Variants in UBE2D2 observed in about 807,000 individuals in gnomAD.
The protein encoded by UBE2D2 is ubiquitin conjugating enzyme E2 D2, also known as ubiquitin-conjugating enzyme E2 D2.
In UBE2D2, 2 loss-of-function variants were observed where a neutral mutation model predicts 24.2. That is an observed-to-expected ratio of 0.08 (90% CI 0.03 to 0.26). The LOEUF (loss-of-function observed/expected upper bound fraction) is 0.26, where lower values mean the gene tolerates loss of function less well. Ranked by LOEUF, UBE2D2 falls within the 10% of genes least tolerant of loss-of-function variation. UBE2D2 has a pLI of 1.00. For missense variants in UBE2D2, 44 were observed against 177.6 expected (o/e 0.25, Z 4.28); for synonymous variants, 58 against 56.5 (o/e 1.03, Z -0.12).
At chr5:139,548,184 T>TAAAA (rs1420608616) in intron 1 of UBE2D2, among the ~76,000 whole-genome samples, 4 of 46,884 alleles carry the variant, frequency 8.5e-5, no homozygotes, top group African/African-American at 2.5e-4. Flanking sequence ...AAAAAAAAAA[T>TAAAA]AAAAAAAAAA....
chr5:139,573,695 C>T (rs1030349460), intron 1 of UBE2D2, among the ~76,000 whole-genome samples: 3 of 152,138 alleles, frequency 2.0e-5, no homozygotes, highest in Admixed American at 2.0e-4. Flanking sequence ...CTCGGCCGGG[C>T]GCAGTGGCTC....
chr5:139,537,255 C>G (rs1312180859), intron 1 of UBE2D2, among the ~76,000 whole-genome samples: 2 of 151,312 alleles, frequency 1.3e-5, no homozygotes, highest in African/African-American at 4.9e-5. Flanking sequence ...GTTCAAATTT[C>G]CAATTGTCTT....
At position 139,549,269 on chromosome 5, in the gene UBE2D2, G is replaced by A. The variant is rs1242757379; in HGVS notation, c.-64+22657G>A. Among the ~76,000 whole-genome samples, 7 of 152,236 alleles carry A rather than the reference G, an allele frequency of 4.6e-5. No homozygotes were observed. In the East Asian group the frequency reaches 7.8e-4, roughly 17 times the overall value. ...CGCTTGAGGAGCCCTTCAGCCCGCC[G>A]CTGCACTGCGGGAGCCCCTCTCTGG... On this transcript the variant is annotated intron_variant, in intron 1 of 6. Coordinates refer to the UBE2D2 transcript ENST00000511725.
chr5:139,627,972 A>G lies in UBE2D2; in HGVS notation c.*1171A>G, dbSNP rs2126714341. On this transcript the variant is annotated 3_prime_UTR_variant, in exon 7 of 7. Transcript: ENST00000398733. ...TGCTTTATTAATGAAACTAAGCTGCATTTCATCAAAACCTTGTGACATTCC... is the reference window on the plus strand; with the variant it reads ...TGCTTTATTAATGAAACTAAGCTGCGTTTCATCAAAACCTTGTGACATTCC... The G allele has an allele frequency of 6.5e-6, 1 of 152,790 alleles. No individual in the cohort carries two copies. Among genetic ancestry groups the G allele is most frequent in the Non-Finnish European group, 1.5e-5 (1 of 68,040 alleles). The allele number at this position is 152,790 out of a possible 1,614,324, so 9.5% of individuals were successfully genotyped here.
intron 1 of UBE2D2, among the ~76,000 whole-genome samples, chr5:139,546,806 TCTTCTTTCTTTCTTCCTTCCTTCCTTC>T (rs1752833543): frequency 6.8e-6 from 1 of 146,398 alleles, no homozygotes; most frequent in South Asian, 2.3e-4. Flanking sequence ...TTTCTTTCTT[TCTTCTTTCTTTCTTCCTTCCTTCCTTC>T]CTTCCTTCCT....
Position 139,547,696 on chromosome 5 carries a change from A to AT in UBE2D2, c.-64+21091dup, listed in dbSNP as rs201053728. Among the ~76,000 whole-genome samples, 1,172 of 149,960 alleles carry AT rather than the reference A, an allele frequency of 7.8e-3. 8 individuals carry two copies. Among genetic ancestry groups the AT allele is most frequent in the Middle Eastern group, 0.041 (12 of 292 alleles). On this transcript the variant is annotated intron_variant, in intron 1 of 6. Transcript: ENST00000511725. ...ACACCCGGCTAATTTTATTTTATTT[A>AT]TTTTTTTATTTTTTTTGAGACGGAG...
chr5:139,601,644 C>T (rs998029658), intron 2 of UBE2D2, among the ~76,000 whole-genome samples: 2 of 151,648 alleles, frequency 1.3e-5, no homozygotes, highest in African/African-American at 4.8e-5. Flanking sequence ...GGCGTCATGG[C>T]TCATGCCTCT....
At chr5:139,566,808 TC>T (rs1227030299) in intron 1 of UBE2D2, among the ~76,000 whole-genome samples, 3 of 151,654 alleles carry the variant, frequency 2.0e-5, no homozygotes, top group African/African-American at 7.3e-5. Flanking sequence ...GCTAACCAGC[TC>T]CCTGCAAATG....
At chr5:139,574,735 C>CAAA (rs75539434) in intron 1 of UBE2D2, among the ~76,000 whole-genome samples, 4 of 70,746 alleles carry the variant, frequency 5.7e-5, no homozygotes, top group African/African-American at 1.5e-4. Context: ...GGTGGGGTGG[C>CAAA]AAAAAAAAAA....
chr5:139,607,058 C>A (rs1158099848), intron 2 of UBE2D2, among the ~76,000 whole-genome samples: 3 of 152,216 alleles, frequency 2.0e-5, no homozygotes, highest in Non-Finnish European at 2.9e-5. Flanking sequence ...TCTGCCCCGG[C>A]CTCCCAAAGT....
chr5:139,560,035 GTTT>G (rs1167994026), upstream of UBE2D2, among the ~76,000 whole-genome samples: 1 of 133,956 alleles, frequency 7.5e-6, no homozygotes, highest in Admixed American at 7.6e-5. Context: ...CACGAGGTTG[GTTT>G]TTTTTTTTTT....
chr5:139,550,742 T>A (rs1444694215), intron 1 of UBE2D2, among the ~76,000 whole-genome samples: 1 of 148,290 alleles, frequency 6.7e-6, no homozygotes. Flanking sequence ...CGCGCTGCCT[T>A]AAGAGGTGTA....
At chr5:139,559,206 C>G (rs1753019134), upstream of UBE2D2, among the ~76,000 whole-genome samples, 1 of 151,998 alleles carries the variant, frequency 6.6e-6, no homozygotes, top group South Asian at 2.1e-4. Flanking sequence ...GCGGGCGGAT[C>G]ACGAGGTCAG....
At chr5:139,591,039 C>T (rs1280763059) in intron 1 of UBE2D2, among the ~76,000 whole-genome samples, 2 of 150,432 alleles carry the variant, frequency 1.3e-5, no homozygotes, top group South Asian at 4.2e-4. Flanking sequence ...TCAGGTGATC[C>T]GCCTGCCTCA....
intron 2 of UBE2D2, among the ~76,000 whole-genome samples, chr5:139,606,308 T>C (rs563333940): frequency 3.9e-5 from 6 of 152,128 alleles, no homozygotes; most frequent in African/African-American, 1.4e-4. Flanking sequence ...ATTACAGGCA[T>C]GCACCACCAC....
In UBE2D2 at chr5:139,582,295, C is replaced by T. The variant is rs547840830; in HGVS notation, c.25-18077C>T. ...TTTTTTTTTTTGAGATGGAGTTTTG[C>T]TCTGTTGCCCAGGCCGGAGTGCAGT... On this transcript the variant is annotated intron_variant, in intron 1 of 6. Coordinates refer to ENST00000398733, the MANE Select transcript of UBE2D2 (RefSeq NM_003339.3). 3.0e-4 allele frequency among the ~76,000 whole-genome samples: 45 copies of T among 150,718 alleles called. No individual in the cohort carries two copies. In the South Asian group the frequency reaches 8.2e-3, roughly 27 times the overall value.
chr5:139,602,684 AAACAAC>A (rs369766587), intron 2 of UBE2D2, among the ~76,000 whole-genome samples: 112 of 152,218 alleles, frequency 7.4e-4, no homozygotes, highest in African/African-American at 2.4e-3. Context: ...CTCAAAACAA[AAACAAC>A]AACAACAACA....
chr5:139,603,422 A>G (rs1218244122), intron 2 of UBE2D2, among the ~76,000 whole-genome samples: 2 of 151,786 alleles, frequency 1.3e-5, no homozygotes, highest in Non-Finnish European at 2.9e-5. Context: ...CAGGAGTTCA[A>G]GACCAGCCTG....
intron 1 of UBE2D2, among the ~76,000 whole-genome samples, chr5:139,572,051 T>C (rs575574840): frequency 3.9e-5 from 6 of 152,310 alleles, no homozygotes; most frequent in African/African-American, 1.4e-4. Flanking sequence ...GAAAGAATAG[T>C]CTATTCACTG....
Sources: allele counts gnomAD v4.1 joint callset (sites outside exome capture counted in the v4.1 genomes callset), GRCh38; gene constraint gnomAD v4.1.1; transcripts MANE v1.5; gene names NCBI Gene and HGNC (gene_info 2026-07-23, HGNC 2026-07-21).